CPLX4: variants seen among roughly 807,000 people sequenced by gnomAD.
CPLX4 encodes complexin-4.
Under a neutral mutation model 16.1 loss-of-function variants are expected in CPLX4, and 17 were observed. That is an observed-to-expected ratio of 1.06 (90% CI 0.72 to 1.59). The LOEUF (loss-of-function observed/expected upper bound fraction) is 1.59, where lower values mean the gene tolerates loss of function less well. CPLX4 is among the 40% of genes most tolerant of loss of function. CPLX4 has a pLI of 0.00. For synonymous variants in CPLX4, 55 were observed against 57.8 expected, an observed-to-expected ratio of 0.95 and a Z score of 0.22; for missense variants, 193 against 192.9, an observed-to-expected ratio of 1.00 and a Z score of 0.00.
Position 59,296,775 on chromosome 18 carries a change from C to T in CPLX4, c.406G>A (p.Asp136Asn). 1.2e-6 allele frequency: 2 copies of T among 1,607,024 alleles called. No homozygotes were observed. The highest frequency in any genetic ancestry group is 1.7e-6 in the Non-Finnish European group (2 of 1,175,558). Reference sequence around the variant, plus strand: ...GCCTGGGCTTTTTCTTTTATGGTATCCAAGTCCATGTTCTGGAGATTCTGT... The same window carrying T: ...GCCTGGGCTTTTTCTTTTATGGTATTCAAGTCCATGTTCTGGAGATTCTGT... ...QIQNLQNMDL[D>N]TIKEKAQATF... The change falls in exon 3 of 3, where the codon GAT (aspartate) becomes AAT (asparagine). Residue 136 changes from aspartate to asparagine, a missense_variant. By Grantham distance (23) the Asp-to-Asn change is conservative (BLOSUM62 1). Coordinates refer to ENST00000299721, the MANE Select transcript of CPLX4 (RefSeq NM_181654.4).
intron 2 of CPLX4, among the ~76,000 whole-genome samples, chr18:59,303,582 A>G (rs2070556188): frequency 6.6e-6 from 1 of 152,174 alleles, no homozygotes; most frequent in Admixed American, 6.5e-5. Context: ...CTCATGGCAG[A>G]ATCTTGCTCT....
At chr18:59,313,380 G>T (rs1284062162) in intron 1 of CPLX4, among the ~76,000 whole-genome samples, 1 of 152,176 alleles carries the variant, frequency 6.6e-6, no homozygotes, top group African/African-American at 2.4e-5. Flanking sequence ...CCCAAACAAG[G>T]CAGGGTATGT....
intron 2 of CPLX4, among the ~76,000 whole-genome samples, chr18:59,298,725 G>T (rs1169706699): frequency 6.6e-6 from 1 of 152,128 alleles, no homozygotes; most frequent in African/African-American, 2.4e-5. Flanking sequence ...AGCACACCAG[G>T]TAACCTGGAA....
chr18:59,318,389 T>G lies in CPLX4; in HGVS notation c.74A>C (p.Asn25Thr). Residue 25 changes from asparagine to threonine, a missense_variant, in exon 1 of 3, where the codon AAT (asparagine) becomes ACT (threonine). By Grantham distance (65) the Asn-to-Thr change is moderately conservative. Coordinates refer to ENST00000299721, the MANE Select transcript of CPLX4 (RefSeq NM_181654.4). ...NLGFGGGSEE[N>T]KEEGGASDPA... ...ATCAGATGCACCTCCTTCTTCTTTA[T>G]TTTCTTCAGACCCACCACCAAATCC... 1.2e-6 allele frequency: 2 copies of G among 1,613,920 alleles called. No homozygotes were observed. Among genetic ancestry groups the G allele is most frequent in the Non-Finnish European group, 1.7e-6 (2 of 1,179,890 alleles).
intron 2 of CPLX4, among the ~76,000 whole-genome samples, chr18:59,310,145 G>A (rs2070607032): frequency 6.6e-6 from 1 of 152,088 alleles, no homozygotes; most frequent in African/African-American, 2.4e-5. Flanking sequence ...TAGAAAAGGG[G>A]CTATATGAAC....
intron 2 of CPLX4, among the ~76,000 whole-genome samples, chr18:59,309,617 A>T (rs1481945387): frequency 6.6e-6 from 1 of 152,060 alleles, no homozygotes; most frequent in East Asian, 1.9e-4. Context: ...AGGTCAGGAG[A>T]TCGAGACCAT....
At chr18:59,305,185 C>T (rs1235160239) in intron 2 of CPLX4, among the ~76,000 whole-genome samples, 1 of 151,968 alleles carries the variant, frequency 6.6e-6, no homozygotes, top group Non-Finnish European at 1.5e-5. Context: ...AGAAGTGGCA[C>T]TGACCAGAGT....
rs1016004703 is a variant in CPLX4 at position 59,300,300 on chromosome 18, T to C, written c.256-3375A>G. Among the ~76,000 whole-genome samples, 11 of 152,128 alleles carry C rather than the reference T, an allele frequency of 7.2e-5. No homozygotes were observed. The East Asian group carries it at 2.1e-3, about 29-fold the overall frequency. On this transcript the variant is annotated intron_variant, in intron 2 of 2. Transcript: ENST00000299721. ...ATAAGCCAAGATCACGCCACTGAAC[T>C]CCAGCCCGGGCAAAAGAGAGAGACT...
chr18:59,309,631 G>C (rs1313661262), intron 2 of CPLX4, among the ~76,000 whole-genome samples: 1 of 151,978 alleles, frequency 6.6e-6, no homozygotes, highest in Admixed American at 6.6e-5. Context: ...AGACCATCCT[G>C]GTTAACACGG....
intron 2 of CPLX4, among the ~76,000 whole-genome samples, chr18:59,309,054 G>GT (rs925248004): frequency 7.2e-5 from 11 of 152,188 alleles, no homozygotes; most frequent in Non-Finnish European, 1.6e-4. Flanking sequence ...TTAAATTTTA[G>GT]TTTTTAAACT....
intron 2 of CPLX4, among the ~76,000 whole-genome samples, chr18:59,300,956 T>A (rs2070536662): frequency 6.6e-6 from 1 of 152,186 alleles, no homozygotes; most frequent in Non-Finnish European, 1.5e-5. Flanking sequence ...CCCTTACCTC[T>A]TGTCAGGCCC....
chr18:59,313,075 A>G (rs1472712749), intron 1 of CPLX4, among the ~76,000 whole-genome samples: 1 of 152,134 alleles, frequency 6.6e-6, no homozygotes, highest in Non-Finnish European at 1.5e-5. Flanking sequence ...TCAGCCAGGG[A>G]CCATGAGCCT....
At chr18:59,303,262 T>G (rs1409414586) in intron 2 of CPLX4, among the ~76,000 whole-genome samples, 1 of 152,202 alleles carries the variant, frequency 6.6e-6, no homozygotes, top group Non-Finnish European at 1.5e-5. Context: ...TGGATTTGTC[T>G]TCTTGAAGAA....
At chr18:59,308,829 G>A (rs1326816649) in intron 2 of CPLX4, among the ~76,000 whole-genome samples, 2 of 152,188 alleles carry the variant, frequency 1.3e-5, no homozygotes, top group Admixed American at 6.5e-5. Context: ...TTCGCCACAT[G>A]GGCCATCGAA....
chr18:59,296,678 C>T lies in CPLX4; in HGVS notation c.*20G>A, dbSNP rs1279666980. 9 of 1,533,476 alleles carry T rather than the reference C, an allele frequency of 5.9e-6. No homozygotes were observed. The highest frequency in any genetic ancestry group is 5.6e-5 in the South Asian group (5 of 89,182). 95.0% of individuals were successfully genotyped at this position (1,533,476 alleles called of 1,614,324 possible). On this transcript the variant is annotated 3_prime_UTR_variant, in exon 3 of 3. Transcript: ENST00000299721. Reference sequence around the variant, plus strand: ...CTTTTCCAAGGATGGCTGGTTCCCTCCCTCCACCCCTCCCACCCCTCACAT... The same window carrying T: ...CTTTTCCAAGGATGGCTGGTTCCCTTCCTCCACCCCTCCCACCCCTCACAT...
At chr18:59,303,735 C>T (rs537544107) in intron 2 of CPLX4, among the ~76,000 whole-genome samples, 11 of 152,330 alleles carry the variant, frequency 7.2e-5, no homozygotes, top group South Asian at 4.1e-4. Flanking sequence ...CCAAGCAACA[C>T]GTCTTGAAAT....
chr18:59,318,346 C>T lies in CPLX4; in HGVS notation c.117G>A (p.Gly39=). 6.2e-7 allele frequency: 1 copy of T among 1,613,838 alleles called. No homozygotes were observed. Among genetic ancestry groups the T allele is most frequent in the Non-Finnish European group, 8.5e-7 (1 of 1,179,838 alleles). The change falls in exon 1 of 3, where the codon GGG becomes GGA. Residue 39 remains glycine (G), a synonymous_variant. Transcript: ENST00000299721. ...ACTCCTCATACTCCTCTCTAGTCAT[C>T]CCTTGAGCTGCTGCAGGATCAGATG... ...GGASDPAAAQ[G]MTREEYEEYQ...
rs956180513 is a variant in CPLX4, at chr18:59,296,634, C to T, written c.*64G>A. 1.2e-5 allele frequency: 19 copies of T among 1,566,322 alleles called. No homozygotes were observed. Among genetic ancestry groups the T allele is most frequent in the Admixed American group, 7.3e-5 (4 of 54,556 alleles). ...ACATTAAAACATGTACTGCTTGAAA[C>T]GTCCCACAAGAGAGTGGTCTTTTCC... On this transcript the variant is annotated 3_prime_UTR_variant, in exon 3 of 3. Transcript: ENST00000299721.
intron 2 of CPLX4, among the ~76,000 whole-genome samples, chr18:59,304,055 G>A (rs1463764960): frequency 2.0e-5 from 3 of 152,090 alleles, no homozygotes; most frequent in African/African-American, 7.2e-5. Flanking sequence ...TTTTTAAGAG[G>A]CAAATTTTAC....
Sources: gnomAD v4.1 joint callset for allele counts (sites outside exome capture counted in the v4.1 genomes callset) on GRCh38, gnomAD v4.1.1 for gene constraint, MANE v1.5 for transcripts, NCBI Gene and HGNC (gene_info 2026-07-23, HGNC 2026-07-21) for gene names.